FAM222B: variants seen among roughly 807,000 people sequenced by gnomAD.
FAM222B encodes protein FAM222B.
FAM222B carries 12 observed loss-of-function variants against 38.0 expected under a neutral mutation model. The observed-to-expected ratio is 0.32, with a 90% CI of 0.20 to 0.51. The LOEUF (loss-of-function observed/expected upper bound fraction) is 0.51. Ranked by LOEUF, FAM222B falls within the 20% of genes least tolerant of loss-of-function variation. The probability of loss-of-function intolerance (pLI) is 0.97; values close to 1 mark genes in which losing one functional copy is unlikely to be tolerated. For synonymous variants in FAM222B, 329 were observed against 317.2 expected, an observed-to-expected ratio of 1.04 and a Z score of -0.40; for missense variants, 716 against 754.2, an observed-to-expected ratio of 0.95 and a Z score of 0.59.
At chr17:28,804,581 A>C (rs1597972694) in intron 1 of FAM222B, among the ~76,000 whole-genome samples, 1 of 151,654 alleles carries the variant, frequency 6.6e-6, no homozygotes, top group Non-Finnish European at 1.5e-5. Flanking sequence ...TGATCCACAC[A>C]CCTCGGCCTC....
chr17:28,795,084 C>A (rs1337635918), intron 1 of FAM222B, among the ~76,000 whole-genome samples: 1 of 150,920 alleles, frequency 6.6e-6, no homozygotes, highest in African/African-American at 2.4e-5. Context: ...TAGAGTGAGA[C>A]CCTGTTTCAA....
intron 1 of FAM222B, among the ~76,000 whole-genome samples, chr17:28,794,409 G>A (rs533016580): frequency 2.0e-5 from 3 of 151,126 alleles, no homozygotes; most frequent in African/African-American, 4.9e-5. Context: ...TAGTAGAGAC[G>A]GGGTTTCAAC....
chr17:28,818,403 C>G (rs534988968), intron 1 of FAM222B, among the ~76,000 whole-genome samples: 1 of 151,400 alleles, frequency 6.6e-6, no homozygotes, highest in South Asian at 2.1e-4. Context: ...TGGTGGGCAC[C>G]TGCAGTCCCA....
At position 28,776,427 on chromosome 17, in the gene FAM222B, T is replaced by C. The variant is rs1309922493; in HGVS notation, c.-40-9720A>G. On this transcript the variant is annotated intron_variant, in intron 1 of 2. Coordinates refer to ENST00000581407, the MANE Select transcript of FAM222B (RefSeq NM_001077498.3). ...GCCAATATCTGATTCTTCTCATCCATGAGCCAAAGGCTTACCTAAAAAGAC... is the reference window on the plus strand; with the variant it reads ...GCCAATATCTGATTCTTCTCATCCACGAGCCAAAGGCTTACCTAAAAAGAC... 2.0e-5 allele frequency among the ~76,000 whole-genome samples: 3 copies of C among 146,422 alleles called. No homozygotes were observed. In the East Asian group the frequency reaches 6.0e-4, roughly 29 times the overall value.
At chr17:28,804,146 C>T (rs1228038814) in intron 1 of FAM222B, among the ~76,000 whole-genome samples, 1 of 152,124 alleles carries the variant, frequency 6.6e-6, no homozygotes, top group Non-Finnish European at 1.5e-5. Flanking sequence ...TCTTCTCCTC[C>T]CCTTGGCAAT....
At chr17:28,826,460 C>T (rs891667219) in intron 1 of FAM222B, among the ~76,000 whole-genome samples, 8 of 151,994 alleles carry the variant, frequency 5.3e-5, no homozygotes, top group African/African-American at 1.9e-4. Flanking sequence ...GCCAGTGGAT[C>T]ACCTAAGGTC....
At chr17:28,809,527 T>C (rs925412033) in intron 1 of FAM222B, among the ~76,000 whole-genome samples, 4 of 152,216 alleles carry the variant, frequency 2.6e-5, no homozygotes, top group Non-Finnish European at 5.9e-5. Context: ...AATTCCAGGA[T>C]TTCCATGCCC....
rs758502899 is a variant in FAM222B at position 28,759,714 on chromosome 17, T to G, written c.245A>C (p.Asp82Ala). ...GGGGCTGTAGCGCTGGGCTGATGTG[T>G]CGAGGCCGTTCACAGTACGACGAAC... The part of the protein sequence containing the change: ...KHVRRTVNGL[D>A]TSAQRYSPYP... The change falls in exon 3 of 3, where the codon GAC becomes GCC. Residue 82 changes from aspartate (D) to alanine (A), a missense_variant. Transcript: ENST00000581407. This position sits in a 1 kb window ranked among gnomAD's most constrained non-coding sequence, Gnocchi z 4.8. 5 of 1,613,710 alleles carry G rather than the reference T, an allele frequency of 3.1e-6. No individual in the cohort carries two copies. Among genetic ancestry groups the G allele is most frequent in the Non-Finnish European group, 4.2e-6 (5 of 1,179,792 alleles).
intron 1 of FAM222B, among the ~76,000 whole-genome samples, chr17:28,811,855 G>A (rs1307952788): frequency 6.6e-6 from 1 of 152,148 alleles, no homozygotes; most frequent in African/African-American, 2.4e-5. Context: ...CAACCTTAAT[G>A]GACACGCATG....
chr17:28,853,330 C>T (rs1376115073), intron 1 of FAM222B, among the ~76,000 whole-genome samples: 3 of 152,034 alleles, frequency 2.0e-5, no homozygotes, highest in Non-Finnish European at 2.9e-5. Flanking sequence ...CACCACTGCA[C>T]TCCAGTCTGG....
intron 1 of FAM222B, among the ~76,000 whole-genome samples, chr17:28,809,501 T>G (rs923273373): frequency 1.3e-5 from 2 of 152,216 alleles, no homozygotes; most frequent in African/African-American, 4.8e-5. Flanking sequence ...TATAATTGTT[T>G]CCTTGCAGAT....
chr17:28,838,433 A>G (rs1415189586), intron 1 of FAM222B, among the ~76,000 whole-genome samples: 3 of 150,792 alleles, frequency 2.0e-5, no homozygotes, highest in African/African-American at 7.3e-5. Flanking sequence ...ACAAAAAATT[A>G]GCCGGGCGTG....
intron 1 of FAM222B, chr17:28,812,442 T>C (rs965999748): frequency 5.9e-5 from 9 of 152,394 alleles, no homozygotes; most frequent in Admixed American, 4.6e-4. Flanking sequence ...GGCTGCCGCT[T>C]GCTCCCAGCC....
At chr17:28,835,024 T>TTGTGTGTGTGTG (rs61229770) in intron 1 of FAM222B, among the ~76,000 whole-genome samples, 2,895 of 132,046 alleles carry the variant, frequency 0.022, 51 homozygotes, top group South Asian at 0.042. Context: ...TCAGCTAATT[T>TTGTGTGTGTGTG]TGTGTGTGTG....
At chr17:28,818,311 G>A (rs887196459) in intron 1 of FAM222B, among the ~76,000 whole-genome samples, 3 of 152,052 alleles carry the variant, frequency 2.0e-5, no homozygotes, top group South Asian at 2.1e-4. Context: ...GGCGGATCAC[G>A]AGGTCAGGAG....
chr17:28,829,984 G>A (rs1003466318), intron 1 of FAM222B, among the ~76,000 whole-genome samples: 1 of 151,508 alleles, frequency 6.6e-6, no homozygotes, highest in African/African-American at 2.4e-5. Flanking sequence ...CGAGTAGCCG[G>A]GACTACAGGC....
chr17:28,841,643 G>A (rs1192261743), intron 1 of FAM222B, among the ~76,000 whole-genome samples: 1 of 152,156 alleles, frequency 6.6e-6, no homozygotes, highest in Non-Finnish European at 1.5e-5. Flanking sequence ...CAAAGTGCTG[G>A]GATTACAGAC....
At chr17:28,788,293 T>C (rs1178189575) in intron 1 of FAM222B, among the ~76,000 whole-genome samples, 3 of 151,940 alleles carry the variant, frequency 2.0e-5, no homozygotes, top group Admixed American at 6.6e-5. Context: ...GGCTGGAGTA[T>C]GGTGGTGCAA....
intron 1 of FAM222B, among the ~76,000 whole-genome samples, chr17:28,809,737 A>T (rs1469774866): frequency 6.6e-6 from 1 of 152,148 alleles, no homozygotes; most frequent in African/African-American, 2.4e-5. Flanking sequence ...ACACTTTGGG[A>T]GGCCTCTGGG....
Sources: gnomAD v4.1 joint callset for allele counts (sites outside exome capture counted in the v4.1 genomes callset) on GRCh38, gnomAD v4.1.1 for gene constraint, Gnocchi (gnomAD v3.1) non-coding constraint, MANE v1.5 for transcripts, NCBI Gene and HGNC (gene_info 2026-07-23, HGNC 2026-07-21) for gene names.